Variants in PLEKHG1 observed in about 807,000 individuals in gnomAD.
PLEKHG1 encodes the protein pleckstrin homology domain-containing family G member 1.
PLEKHG1 carries 44 observed loss-of-function variants against 100.8 expected under a neutral mutation model. The observed-to-expected ratio is 0.44, with a 90% CI of 0.34 to 0.56. PLEKHG1 has a LOEUF of 0.56. Among genes scored for constraint, PLEKHG1 ranks in the 20% least tolerant of loss-of-function variants. The pLI, the probability that PLEKHG1 is intolerant of heterozygous loss-of-function variation, is 0.01. For missense variants in PLEKHG1, 1,545 were observed against 1,720.9 expected (o/e 0.90, Z 1.81); for synonymous variants, 640 against 662.5 (o/e 0.97, Z 0.52).
At chr6:150,730,213 T>C (rs1483561680) in intron 1 of PLEKHG1, among the ~76,000 whole-genome samples, 1 of 151,980 alleles carries the variant, frequency 6.6e-6, no homozygotes, top group Non-Finnish European at 1.5e-5. Context: ...CTAGAGACAG[T>C]ATGTGCAGAT....
chr6:150,784,367 G>T (rs1175432787), intron 3 of PLEKHG1, among the ~76,000 whole-genome samples: 1 of 152,156 alleles, frequency 6.6e-6, no homozygotes, highest in Non-Finnish European at 1.5e-5. Flanking sequence ...TAGACAAATA[G>T]CTCCCTGAGT....
chr6:150,634,280 G>GAAA (rs10693410), intron 1 of PLEKHG1, among the ~76,000 whole-genome samples: 8 of 145,044 alleles, frequency 5.5e-5, no homozygotes, highest in African/African-American at 1.6e-4. Flanking sequence ...AGAGGAAGAA[G>GAAA]AAAAAAAAAA....
chr6:150,824,784 C>T (rs965160415), intron 14 of PLEKHG1, among the ~76,000 whole-genome samples: 2 of 152,202 alleles, frequency 1.3e-5, no homozygotes, highest in African/African-American at 4.8e-5. Context: ...CCCGTCTCAG[C>T]CTCCCAAAGT....
chr6:150,748,814 C>T (rs1783325967), intron 2 of PLEKHG1, among the ~76,000 whole-genome samples: 1 of 151,866 alleles, frequency 6.6e-6, no homozygotes, highest in South Asian at 2.1e-4. Context: ...TTAGTAGAGA[C>T]AGGGTTTCAC....
intron 1 of PLEKHG1, among the ~76,000 whole-genome samples, chr6:150,722,743 C>T (rs1263947231): frequency 6.6e-6 from 1 of 152,170 alleles, no homozygotes; most frequent in African/African-American, 2.4e-5. Flanking sequence ...TTTGCCTCTT[C>T]TTCCTCCTCC....
At chr6:150,825,501 G>A (rs556688673) in intron 14 of PLEKHG1, among the ~76,000 whole-genome samples, 17 of 150,336 alleles carry the variant, frequency 1.1e-4, no homozygotes, top group African/African-American at 3.3e-4. Flanking sequence ...GAATCACTTC[G>A]GCCGAAGTTG....
At chr6:150,602,200 T>C (rs1316887569) in intron 1 of PLEKHG1, among the ~76,000 whole-genome samples, 2 of 152,228 alleles carry the variant, frequency 1.3e-5, no homozygotes, top group African/African-American at 4.8e-5. Context: ...GAAGCTATTA[T>C]CTTAATGGCG....
chr6:150,765,443 G>A (rs757854036), intron 2 of PLEKHG1, among the ~76,000 whole-genome samples: 10 of 148,910 alleles, frequency 6.7e-5, no homozygotes, highest in South Asian at 2.1e-4. Flanking sequence ...GTAGTGAGCC[G>A]AGATTGTGCC....
intron 1 of PLEKHG1, among the ~76,000 whole-genome samples, chr6:150,724,818 TC>T (rs1277126041): frequency 6.6e-6 from 1 of 152,152 alleles, no homozygotes; most frequent in Non-Finnish European, 1.5e-5. Context: ...GCCTCTGCCT[TC>T]CAAAGTGCCA....
In PLEKHG1 at chr6:150,696,271, G is replaced by A. The variant is rs1245978395; in HGVS notation, c.-98-37313G>A. On this transcript the variant is annotated intron_variant, in intron 3 of 3. Coordinates refer to the PLEKHG1 transcript ENST00000367326. ...TCGTCCTTAGGCCAGGAGACCCAGG[G>A]TAGAGCTGCAGCCAGGGAGAAGCAG... Among the ~76,000 whole-genome samples the A allele has an allele frequency of 3.9e-5, 6 of 152,156 alleles. No individual in the cohort carries two copies. The East Asian group carries it at 7.7e-4, about 20-fold the overall frequency.
At chr6:150,759,200 A>G (rs1308243627) in intron 2 of PLEKHG1, among the ~76,000 whole-genome samples, 1 of 152,216 alleles carries the variant, frequency 6.6e-6, no homozygotes, top group Non-Finnish European at 1.5e-5. Flanking sequence ...AACGTGGCAG[A>G]TGGTTGAAAG....
At chr6:150,798,158 C>T (rs1222923720) in intron 5 of PLEKHG1, among the ~76,000 whole-genome samples, 4 of 152,170 alleles carry the variant, frequency 2.6e-5, no homozygotes. Flanking sequence ...TGGTTCTAAA[C>T]CAAAAGCCAG....
rs368631192 is a variant in PLEKHG1 at position 150,635,597 on chromosome 6, A to G, written c.-203-2483A>G. Among the ~76,000 whole-genome samples, 89 of 152,306 alleles carry G rather than the reference A, an allele frequency of 5.8e-4. 2 individuals carry two copies. The South Asian group carries it at 0.018, about 30-fold the overall frequency. On this transcript the variant is annotated intron_variant, in intron 1 of 3. Transcript: ENST00000367326. ...ATAAAACATTATTTTCATAAGTTCA[A>G]TTATATTAGTTATTATCACATGCAT...
chr6:150,776,118 C>G (rs1296625047), intron 3 of PLEKHG1, among the ~76,000 whole-genome samples: 2 of 152,202 alleles, frequency 1.3e-5, no homozygotes, highest in Admixed American at 1.3e-4. Context: ...AAAAGCTTCA[C>G]ATGGGATATG....
chr6:150,637,273 A>C (rs1292310511), intron 1 of PLEKHG1, among the ~76,000 whole-genome samples: 1 of 151,940 alleles, frequency 6.6e-6, no homozygotes, highest in African/African-American at 2.4e-5. Flanking sequence ...ATCGTGGGTC[A>C]TGAAATTTTG....
At chr6:150,778,304 T>G (rs1385816718) in intron 3 of PLEKHG1, among the ~76,000 whole-genome samples, 2 of 152,158 alleles carry the variant, frequency 1.3e-5, no homozygotes, top group African/African-American at 4.8e-5. Flanking sequence ...ATTTTTGTAT[T>G]TTTAGTAGAG....
At position 150,795,920 on chromosome 6, in the gene PLEKHG1, GC is replaced by G; in HGVS notation, c.629+20del. ...TATCCAAGGTATGGATCGAGAATGG[GC>G]CAAGAGTACTTTTGTTCACTTTCAC... is the stretch of plus-strand genomic sequence containing the variant. On this transcript the variant is annotated intron_variant, in intron 5 of 15. Coordinates refer to ENST00000358517, the Ensembl canonical transcript of PLEKHG1. The G allele has an allele frequency of 1.3e-6, 2 of 1,524,014 alleles. No homozygotes were observed. The highest frequency in any genetic ancestry group is 9.1e-7 in the Non-Finnish European group (1 of 1,099,138). 94.4% of individuals were successfully genotyped at this position (1,524,014 alleles called of 1,614,324 possible). A position where few individuals can be genotyped will look rare whatever the true frequency, so the allele number is the denominator to read the frequency against.
chr6:150,781,976 C>T lies in PLEKHG1; in HGVS notation c.513-4414C>T, dbSNP rs1026029944. ...TGTATTTTCAGTAGAGACAGGGTTTCGCTGTGTTAGCCAGGATGGTCTCGA... is the reference window on the plus strand; with the variant it reads ...TGTATTTTCAGTAGAGACAGGGTTTTGCTGTGTTAGCCAGGATGGTCTCGA... On this transcript the variant is annotated intron_variant, in intron 3 of 15. Coordinates refer to ENST00000358517, the Ensembl canonical transcript of PLEKHG1. 8.2e-4 allele frequency among the ~76,000 whole-genome samples: 124 copies of T among 151,592 alleles called. 1 individual carries two copies. Among genetic ancestry groups the T allele is most frequent in the African/African-American group, 2.9e-3 (121 of 41,344 alleles).
rs926819014 is a variant in PLEKHG1 at position 150,750,101 on chromosome 6, A to T, written c.411+16009A>T. 2.0e-5 allele frequency among the ~76,000 whole-genome samples: 3 copies of T among 151,868 alleles called. No individual in the cohort carries two copies. The East Asian group carries it at 5.8e-4, about 29-fold the overall frequency. On this transcript the variant is annotated intron_variant, in intron 2 of 15. Coordinates refer to ENST00000358517, the Ensembl canonical transcript of PLEKHG1. ...AAAAAAGAAAATATCTACTAGAAGA[A>T]CATTTTTACTTCAAAAGGAGGAATA...
Sources: gnomAD v4.1 joint callset for allele counts (sites outside exome capture counted in the v4.1 genomes callset) on GRCh38, gnomAD v4.1.1 for gene constraint, MANE v1.5 for transcripts, NCBI Gene and HGNC (gene_info 2026-07-23, HGNC 2026-07-21) for gene names.